Variants in TLCD3B observed in about 807,000 individuals in gnomAD.
TLCD3B encodes ceramide synthase.
Under a neutral mutation model 23.0 loss-of-function variants are expected in TLCD3B, and 9 were observed. That is an observed-to-expected ratio of 0.39 (90% confidence interval 0.24 to 0.68). The LOEUF is 0.68. Ranked by LOEUF, TLCD3B falls within the 30% of genes least tolerant of loss-of-function variation. The pLI is 0.44. For missense variants in TLCD3B, 307 were observed against 371.8 expected (o/e 0.83, Z 1.43); for synonymous variants, 161 against 161.0 (o/e 1.00, Z 0.00).
Position 30,025,268 on chromosome 16 carries a change from T to A in TLCD3B, c.740A>T (p.Tyr247Phe). The A allele has an allele frequency of 6.5e-7, 1 of 1,541,866 alleles. No homozygotes were observed. The highest frequency in any genetic ancestry group is 8.7e-7 in the Non-Finnish European group (1 of 1,144,378). The change falls in exon 5 of 5, where the codon TAC (tyrosine) becomes TTC (phenylalanine). Residue 247 changes from tyrosine to phenylalanine, a missense_variant. Coordinates refer to ENST00000380495, the MANE Select transcript of TLCD3B (RefSeq NM_031478.6). This position sits in a 1 kb window ranked among gnomAD's most constrained non-coding sequence, Gnocchi z 4.1. ...GAALLLAPQL[Y>F]WFFLICRGAC... Reference sequence around the variant, plus strand: ...CCCACGGCAGATGAGGAAGAACCAGTAGAGCTGAGGGGCCAGGAGCAGCGC... The same window carrying A: ...CCCACGGCAGATGAGGAAGAACCAGAAGAGCTGAGGGGCCAGGAGCAGCGC...
At chr16:30,051,186 G>A (rs780808552) in intron 1 of TLCD3B, among the ~76,000 whole-genome samples, 1 of 152,002 alleles carries the variant, frequency 6.6e-6, no homozygotes, top group Non-Finnish European at 1.5e-5. Context: ...ATTTGAGGCA[G>A]GAGTTGGAGA....
intron 1 of TLCD3B, chr16:30,046,519 T>C (rs1567311327): frequency 6.6e-6 from 1 of 152,164 alleles, no homozygotes; most frequent in Non-Finnish European, 1.5e-5. Context: ...CTGGGGCAAG[T>C]CCTGGCTGGC....
chr16:30,042,385 A>C (rs1465183453), intron 2 of TLCD3B, among the ~76,000 whole-genome samples: 1 of 151,776 alleles, frequency 6.6e-6, no homozygotes, highest in East Asian at 1.9e-4. Flanking sequence ...CACCACACCC[A>C]GCTAATTTTT....
intron 3 of TLCD3B, among the ~76,000 whole-genome samples, chr16:30,038,253 A>G (rs56110254): frequency 3.3e-5 from 5 of 152,172 alleles, no homozygotes; most frequent in Non-Finnish European, 5.9e-5. Flanking sequence ...TGCTGCTTAG[A>G]CTACAGGTCA....
Position 30,025,244 on chromosome 16 carries a change from C to T in TLCD3B, c.764G>A (p.Gly255Glu). 1 of 1,533,044 alleles carries T rather than the reference C, an allele frequency of 6.5e-7. No individual in the cohort carries two copies. The highest frequency in any genetic ancestry group is 8.8e-7 in the Non-Finnish European group (1 of 1,140,866). The allele number at this position is 1,533,044 out of a possible 1,614,324, so 95.0% of individuals were successfully genotyped here. Residue 255 changes from glycine (G) to glutamate (E), a missense_variant, in exon 5 of 5, where the codon GGG becomes GAG. By Grantham distance (98) the Gly-to-Glu change is moderately conservative (BLOSUM62 -2). Transcript: ENST00000380495. This position sits in a 1 kb window ranked among gnomAD's most constrained non-coding sequence, Gnocchi z 4.1. The part of the protein sequence containing the change: ...QLYWFFLICR[G>E]ACRLFWPRSR... ...GCGGGGCCAGAAGAGGCGGCAGGCC[C>T]CACGGCAGATGAGGAAGAACCAGTA...
At chr16:30,037,170 C>A (rs1321088102) in intron 3 of TLCD3B, among the ~76,000 whole-genome samples, 1 of 151,128 alleles carries the variant, frequency 6.6e-6, no homozygotes, top group Non-Finnish European at 1.5e-5. Flanking sequence ...ACCTCAGAGA[C>A]CGAGGTGGGA....
In TLCD3B at chr16:30,024,966, G is replaced by C. The variant is rs1003802810; in HGVS notation, c.*217C>G. The C allele has an allele frequency of 1.0e-5, 5 of 487,356 alleles. No homozygotes were observed. The highest frequency in any genetic ancestry group is 1.8e-5 in the Non-Finnish European group (5 of 279,488). 30.2% of individuals were successfully genotyped at this position (487,356 alleles called of 1,614,324 possible). A position where few individuals can be genotyped will look rare whatever the true frequency, so the allele number is the denominator to read the frequency against. ...GCGGTGCCCCCTCCCCTCCTCCAGC[G>C]CAAGGGTGTGCAGGAAGGGGGCAGA... On this transcript the variant is annotated 3_prime_UTR_variant, in exon 5 of 5. Transcript: ENST00000380495.
rs570992647 is a variant in TLCD3B, at chr16:30,030,730, G to A, written c.-203C>T. On this transcript the variant is annotated 5_prime_UTR_variant, in exon 1 of 5. Transcript: ENST00000380495. Reference sequence around the variant, plus strand: ...GGGGAGTCGGGAGGGGGCTGGCTGGGCAGAGACGGGGGAGGGGAGGATGGG... The same window carrying A: ...GGGGAGTCGGGAGGGGGCTGGCTGGACAGAGACGGGGGAGGGGAGGATGGG... The A allele has an allele frequency of 1.8e-6, 2 of 1,089,804 alleles. No homozygotes were observed. Among genetic ancestry groups the A allele is most frequent in the African/African-American group, 3.5e-5 (2 of 56,922 alleles). 67.5% of individuals were successfully genotyped at this position (1,089,804 alleles called of 1,614,324 possible). A position where few individuals can be genotyped will look rare whatever the true frequency, so the allele number is the denominator to read the frequency against.
chr16:30,032,770 C>T (rs1399135758), upstream of TLCD3B: 1 of 151,010 alleles, frequency 6.6e-6, no homozygotes, highest in Non-Finnish European at 1.5e-5. Flanking sequence ...ACCTCAGTAT[C>T]CCCAGTAGCT....
chr16:30,030,722 C>G lies in TLCD3B; in HGVS notation c.-195G>C. ...ATGAAACTGGGGAGTCGGGAGGGGG[C>G]TGGCTGGGCAGAGACGGGGGAGGGG... On this transcript the variant is annotated 5_prime_UTR_variant, in exon 1 of 5. Coordinates refer to ENST00000380495, the MANE Select transcript of TLCD3B (RefSeq NM_031478.6). 1.3e-5 allele frequency: 9 copies of G among 715,680 alleles called. No individual in the cohort carries two copies. The highest frequency in any genetic ancestry group is 1.4e-5 in the Non-Finnish European group (9 of 635,848). The allele number at this position is 715,680 out of a possible 1,614,324, so 44.3% of individuals were successfully genotyped here.
intron 2 of TLCD3B, chr16:30,027,203 A>C (rs552292859): frequency 2.1e-5 from 10 of 465,604 alleles, no homozygotes; most frequent in Admixed American, 1.2e-4. Flanking sequence ...ATTTGTCCTA[A>C]CCTTACCATG....
rs768877960 is a variant in TLCD3B, at chr16:30,026,597, C to G, written c.444+12G>C. On this transcript the variant is annotated intron_variant, in intron 3 of 4. Coordinates refer to ENST00000380495, the MANE Select transcript of TLCD3B (RefSeq NM_031478.6). ...CACCCGCACCCCGCCCGCCCAGCTCCCCGGGACTCACCACTGAGAGTGGGA... is the reference window on the plus strand; with the variant it reads ...CACCCGCACCCCGCCCGCCCAGCTCGCCGGGACTCACCACTGAGAGTGGGA... 4 of 1,611,204 alleles carry G rather than the reference C, an allele frequency of 2.5e-6. No individual in the cohort carries two copies. The Admixed American group carries it at 6.7e-5, about 27-fold the overall frequency.
chr16:30,045,535 GGT>G (rs1333645620), intron 2 of TLCD3B, among the ~76,000 whole-genome samples: 12 of 131,652 alleles, frequency 9.1e-5, no homozygotes, highest in East Asian at 2.4e-4. Context: ...TGGTATGTGT[GGT>G]GTGTGTGTGT....
At chr16:30,034,465 C>T (rs990543503), upstream of TLCD3B, among the ~76,000 whole-genome samples, 2 of 150,878 alleles carry the variant, frequency 1.3e-5, no homozygotes, top group African/African-American at 2.4e-5. Flanking sequence ...CCTGTAGTCC[C>T]AGCTATGGCA....
intron 3 of TLCD3B, among the ~76,000 whole-genome samples, chr16:30,039,755 G>T (rs546502308): frequency 1.3e-5 from 2 of 152,186 alleles, no homozygotes; most frequent in East Asian, 3.9e-4. Flanking sequence ...GGGATTACAG[G>T]CATGAGCCAC....
At chr16:30,043,994 A>G (rs1270416364) in intron 2 of TLCD3B, among the ~76,000 whole-genome samples, 1 of 146,852 alleles carries the variant, frequency 6.8e-6, no homozygotes, top group Non-Finnish European at 1.5e-5. Flanking sequence ...CATGGTTAGC[A>G]TGAGCTAACC....
chr16:30,025,310 T>C lies in TLCD3B; in HGVS notation c.698A>G (p.His233Arg), dbSNP rs374024391. The change falls in exon 5 of 5, where the codon CAC (histidine) becomes CGC (arginine). Residue 233 changes from histidine to arginine, a missense_variant. Transcript: ENST00000380495. The surrounding 1 kb of genome is among the most constrained non-coding windows in gnomAD (Gnocchi z 4.1). The part of the protein sequence containing the change: ...LLAVPLAIPA[H>R]VNLGAALLLA... ...GAGCAGCGCAGCGCCCAGGTTGACG[T>C]GGGCAGGGATGGCCAGGGGCACGGC... 6.4e-7 allele frequency: 1 copy of C among 1,563,770 alleles called. No individual in the cohort carries two copies. The highest frequency in any genetic ancestry group is 8.7e-7 in the Non-Finnish European group (1 of 1,153,742).
chr16:30,025,148 G>A lies in TLCD3B; in HGVS notation c.*35C>T, dbSNP rs1195416844. On this transcript the variant is annotated 3_prime_UTR_variant, in exon 5 of 5. Coordinates refer to ENST00000380495, the MANE Select transcript of TLCD3B (RefSeq NM_031478.6). The surrounding 1 kb of genome is among the most constrained non-coding windows in gnomAD (Gnocchi z 4.1). Reference sequence around the variant, plus strand: ...CCCAGAGCCCTGTCTCCACGGGGGTGGGGGTGGGGAGGGGGAGGGTCCCGG... The same window carrying A: ...CCCAGAGCCCTGTCTCCACGGGGGTAGGGGTGGGGAGGGGGAGGGTCCCGG... The A allele has an allele frequency of 1.5e-6, 2 of 1,307,066 alleles. No individual in the cohort carries two copies. Among genetic ancestry groups the A allele is most frequent in the East Asian group, 2.6e-5 (1 of 38,242 alleles). The allele number at this position is 1,307,066 out of a possible 1,614,324, so 81.0% of individuals were successfully genotyped here. A position where few individuals can be genotyped will look rare whatever the true frequency, so the allele number is the denominator to read the frequency against.
rs1017799583 is a variant in TLCD3B at position 30,042,412 on chromosome 16, C to T, written c.-228-1256G>A. On this transcript the variant is annotated intron_variant, in intron 2 of 6. Transcript: ENST00000561666. ...CTAATTTTTGTATTTTTAGTAGAGA[C>T]GGGGTTTCACCATGTTGGCCAGGCT... is the stretch of plus-strand genomic sequence containing the variant. Among the ~76,000 whole-genome samples, 10 of 151,728 alleles carry T rather than the reference C, an allele frequency of 6.6e-5. No homozygotes were observed. The East Asian group carries it at 1.5e-3, about 24-fold the overall frequency.
Sources: gnomAD v4.1 joint callset for allele counts (sites outside exome capture counted in the v4.1 genomes callset) on GRCh38, gnomAD v4.1.1 for gene constraint, Gnocchi (gnomAD v3.1) non-coding constraint, MANE v1.5 for transcripts, NCBI Gene and HGNC (gene_info 2026-07-23, HGNC 2026-07-21) for gene names.